TSPAN14: variants seen among roughly 807,000 people sequenced by gnomAD.
TSPAN14 encodes tetraspanin-14.
Under a neutral mutation model 36.6 loss-of-function variants are expected in TSPAN14, and 16 were observed. The observed-to-expected ratio is 0.44, with a 90% confidence interval of 0.30 to 0.66. The LOEUF is 0.66. Ranked by LOEUF, TSPAN14 falls within the 30% of genes least tolerant of loss-of-function variation. The pLI, the probability that TSPAN14 is intolerant of heterozygous loss-of-function variation, is 0.12. For missense variants in TSPAN14, 231 were observed against 355.1 expected (o/e 0.65, Z 2.81); for synonymous variants, 139 against 143.8 (o/e 0.97, Z 0.24).
At chr10:80,459,473 T>G (rs1023054975) in intron 1 of TSPAN14, 1 of 153,248 alleles carries the variant, frequency 6.5e-6, no homozygotes, top group Non-Finnish European at 1.5e-5. Context: ...CTGGGGCAGT[T>G]GTCTCTAAAG....
chr10:80,518,029 C>G (rs1841038372), exon 9 of TSPAN14: 3 of 1,533,040 alleles, frequency 2.0e-6, no homozygotes, highest in Non-Finnish European at 2.7e-6. Flanking sequence ...CAGAGCCTTT[C>G]TCTGCCATCA....
At chr10:80,495,393 A>G (rs1052857313) in intron 2 of TSPAN14, among the ~76,000 whole-genome samples, 5 of 145,046 alleles carry the variant, frequency 3.4e-5, no homozygotes, top group African/African-American at 1.0e-4. Context: ...ACATGTGTGT[A>G]TTTCATCATT....
At chr10:80,485,070 G>A (rs1184396883) in intron 1 of TSPAN14, among the ~76,000 whole-genome samples, 1 of 152,148 alleles carries the variant, frequency 6.6e-6, no homozygotes, top group Non-Finnish European at 1.5e-5. Flanking sequence ...AGTTGAGACA[G>A]TTTGAGATCC....
intron 7 of TSPAN14, chr10:80,515,932 T>A (rs1347747138): frequency 4.4e-6 from 2 of 456,020 alleles, no homozygotes; most frequent in African/African-American, 3.9e-5. Context: ...GGGAAGGGTA[T>A]CTTGAGAAAG....
intron 6 of TSPAN14, among the ~76,000 whole-genome samples, chr10:80,512,535 A>T (rs1456480964): frequency 6.6e-6 from 1 of 152,184 alleles, no homozygotes; most frequent in African/African-American, 2.4e-5. Flanking sequence ...GAGGGCTGTC[A>T]CTTGCAGCTG....
At chr10:80,466,855 A>G (rs1349324173) in intron 1 of TSPAN14, among the ~76,000 whole-genome samples, 1 of 152,206 alleles carries the variant, frequency 6.6e-6, no homozygotes. Context: ...AAGTCAGTAC[A>G]TGGAAGATAT....
chr10:80,455,218 A>T (rs1357089541), intron 1 of TSPAN14, among the ~76,000 whole-genome samples: 2 of 152,100 alleles, frequency 1.3e-5, no homozygotes, highest in Non-Finnish European at 2.9e-5. Context: ...TTGGGGACTT[A>T]AAGTTGATCT....
chr10:80,458,621 C>A (rs944520739), intron 1 of TSPAN14, among the ~76,000 whole-genome samples: 2 of 152,136 alleles, frequency 1.3e-5, no homozygotes, highest in Non-Finnish European at 2.9e-5. Flanking sequence ...CAGGGAGCTG[C>A]GTAGAATGAA....
chr10:80,458,181 T>G (rs964494118), intron 1 of TSPAN14, among the ~76,000 whole-genome samples: 6 of 152,154 alleles, frequency 3.9e-5, no homozygotes, highest in African/African-American at 1.4e-4. Context: ...CCTCCCCACT[T>G]TTGTGGGACT....
In TSPAN14 at chr10:80,485,623, C is replaced by T. The variant is rs77058571; in HGVS notation, c.-17-3594C>T. 5.1e-6 allele frequency: 5 copies of T among 985,344 alleles called. No homozygotes were observed. The East Asian group carries it at 3.4e-4, about 67-fold the overall frequency. 61.0% of individuals were successfully genotyped at this position (985,344 alleles called of 1,614,324 possible). On this transcript the variant is annotated intron_variant, in intron 1 of 8. Coordinates refer to ENST00000429989, the Ensembl canonical transcript of TSPAN14. ...TCTTCAGCTTAAACTATGTGGAGAC[C>T]AGGATCTGCCAGCCCCACAGAGGGT... is the stretch of plus-strand genomic sequence containing the variant.
chr10:80,472,819 T>G (rs1395383804), intron 1 of TSPAN14, among the ~76,000 whole-genome samples: 1 of 152,250 alleles, frequency 6.6e-6, no homozygotes. Flanking sequence ...CCGCTCAGAT[T>G]GTTCCAGATT....
chr10:80,516,111 G>A, intron 7 of TSPAN14, 93 bp from the exon 8 acceptor site: 1 of 1,590,160 alleles, frequency 6.3e-7, no homozygotes. Flanking sequence ...TTCCCACCCT[G>A]CTTTGCCCTG....
intron 2 of TSPAN14, among the ~76,000 whole-genome samples, chr10:80,494,903 A>G (rs1199654115): frequency 6.6e-6 from 1 of 152,212 alleles, no homozygotes; most frequent in Non-Finnish European, 1.5e-5. Context: ...TCCCAGGTTT[A>G]CTGCATTTCC....
intron 1 of TSPAN14, among the ~76,000 whole-genome samples, chr10:80,458,614 G>A (rs1228972572): frequency 6.6e-6 from 1 of 152,162 alleles, no homozygotes; most frequent in Non-Finnish European, 1.5e-5. Context: ...GAGTACCCAG[G>A]GAGCTGCGTA....
intron 1 of TSPAN14, chr10:80,468,684 C>G (rs1846370839): frequency 6.6e-6 from 1 of 151,412 alleles, no homozygotes; most frequent in African/African-American, 2.4e-5. Flanking sequence ...GCATTGTTAA[C>G]AAGGTAACCC....
chr10:80,504,918 C>T (rs1840202473), intron 3 of TSPAN14, 140 bp downstream of exon 3: 1 of 917,228 alleles, frequency 1.1e-6, no homozygotes, highest in Non-Finnish European at 1.7e-6. Context: ...TCAATCTTTA[C>T]AGACACAGCT....
intron 1 of TSPAN14, among the ~76,000 whole-genome samples, chr10:80,480,441 A>C (rs976671980): frequency 2.0e-5 from 3 of 152,226 alleles, no homozygotes; most frequent in African/African-American, 7.2e-5. Context: ...TATATACCCA[A>C]AGGTCTATAA....
intron 5 of TSPAN14, among the ~76,000 whole-genome samples, chr10:80,510,369 T>C (rs971146718): frequency 6.6e-6 from 1 of 152,240 alleles, no homozygotes; most frequent in Non-Finnish European, 1.5e-5. Flanking sequence ...AGACCCTGCC[T>C]GTATTGTTAT....
At chr10:80,487,443 C>T (rs915993690) in intron 1 of TSPAN14, among the ~76,000 whole-genome samples, 2 of 152,162 alleles carry the variant, frequency 1.3e-5, no homozygotes, top group African/African-American at 4.8e-5. Flanking sequence ...TGCTGCCAGC[C>T]AGGACCCTCA....
Sources: gnomAD v4.1 joint callset for allele counts (sites outside exome capture counted in the v4.1 genomes callset) on GRCh38, gnomAD v4.1.1 for gene constraint, MANE v1.5 for transcripts, NCBI Gene and HGNC (gene_info 2026-07-23, HGNC 2026-07-21) for gene names.